Variants in ZNF845 observed in about 807,000 individuals in gnomAD.
ZNF845 encodes zinc finger protein 845.
In ZNF845, 59 loss-of-function variants were observed where a neutral mutation model predicts 76.1. That is an observed-to-expected ratio of 0.78 (90% CI 0.63 to 0.96). ZNF845 has a LOEUF of 0.96. ZNF845 is among the 40% of genes least tolerant of loss of function. The probability of loss-of-function intolerance (pLI) is 0.00; values close to 1 mark genes in which losing one functional copy is unlikely to be tolerated. For synonymous variants in ZNF845, 361 were observed against 386.9 expected, an observed-to-expected ratio of 0.93 and a Z score of 0.78; for missense variants, 1,045 against 1,172.8, an observed-to-expected ratio of 0.89 and a Z score of 1.59.
At chr19:53,338,674 T>C (rs1273415434) in intron 1 of ZNF845, among the ~76,000 whole-genome samples, 1 of 149,326 alleles carries the variant, frequency 6.7e-6, no homozygotes, top group Non-Finnish European at 1.5e-5. Flanking sequence ...TGGCTTTTCC[T>C]TGCCTGTCAC....
chr19:53,351,220 G>A lies in ZNF845; in HGVS notation c.545G>A (p.Cys182Tyr). Residue 182 changes from cysteine to tyrosine, a missense_variant, in exon 4 of 4, where the codon TGT (cysteine) becomes TAT (tyrosine). Transcript: ENST00000458035. ...SLVSTSQRIS[C>Y]RPKTHISKNY... ...GTTTCAACATCCCAAAGAATTTCTT[G>A]TAGGCCTAAAACCCACATTTCTAAG... 6.2e-7 allele frequency: 1 copy of A among 1,614,216 alleles called. No individual in the cohort carries two copies. Among genetic ancestry groups the A allele is most frequent in the African/African-American group, 1.3e-5 (1 of 75,056 alleles).
intron 1 of ZNF845, among the ~76,000 whole-genome samples, chr19:53,336,258 C>G (rs941737859): frequency 2.6e-5 from 4 of 150,980 alleles, no homozygotes; most frequent in Admixed American, 2.0e-4. Context: ...TGGCTCATGC[C>G]TGTAATCCCA....
chr19:53,343,893 T>C (rs922158596), intron 2 of ZNF845, among the ~76,000 whole-genome samples: 2 of 152,028 alleles, frequency 1.3e-5, no homozygotes, highest in African/African-American at 4.8e-5. Context: ...CGATCTTAGC[T>C]CACTGCAACC....
intron 1 of ZNF845, among the ~76,000 whole-genome samples, chr19:53,337,361 C>T (rs1282942920): frequency 6.6e-6 from 1 of 151,934 alleles, no homozygotes; most frequent in Admixed American, 6.6e-5. Context: ...GCATCAGTCA[C>T]ATCAGAAACA....
rs185008514 is a variant in ZNF845, at chr19:53,345,299, G to A, written c.16-207G>A. The stretch of plus-strand genomic sequence containing the variant: ...CCACTGCACTCCGGCCTGGGTGACA[G>A]AGCGAGACTCCGTCTCAAAAAGAAA... On this transcript the variant is annotated intron_variant, in intron 2 of 3. Transcript: ENST00000458035. Among the ~76,000 whole-genome samples, 424 of 151,594 alleles carry A rather than the reference G, an allele frequency of 2.8e-3. 2 individuals are homozygous for A. The highest frequency in any genetic ancestry group is 5.3e-3 in the Non-Finnish European group (359 of 67,972).
intron 1 of ZNF845, among the ~76,000 whole-genome samples, chr19:53,334,730 C>CA (rs559328268): frequency 7.6e-6 from 1 of 132,322 alleles, no homozygotes; most frequent in South Asian, 2.5e-4. Context: ...GTGAGACCCC[C>CA]CCCCCCATCT....
At position 53,353,221 on chromosome 19, in the gene ZNF845, A is replaced by G; in HGVS notation, c.2546A>G (p.His849Arg). The change falls in exon 4 of 4, where the codon CAT (histidine) becomes CGT (arginine). Residue 849 changes from histidine (H) to arginine (R), a missense_variant. Coordinates refer to ENST00000458035, the MANE Select transcript of ZNF845 (RefSeq NM_138374.3). ...CGTCACAATTCAGCCCTTGAAATTC[A>G]TAAGGCAATTCATACTGGAGAAAAA... ...TFRHNSALEI[H>R]KAIHTGEKPY... The G allele has an allele frequency of 1.2e-6, 2 of 1,614,036 alleles. No individual in the cohort carries two copies. The highest frequency in any genetic ancestry group is 1.7e-6 in the Non-Finnish European group (2 of 1,179,896).
chr19:53,352,144 C>T lies in ZNF845; in HGVS notation c.1469C>T (p.Thr490Ile). Residue 490 changes from threonine (T) to isoleucine (I), a missense_variant, in exon 4 of 4, where the codon ACT becomes ATT. Physicochemically the swap from Thr to Ile is moderately conservative, Grantham distance 89. Coordinates refer to ENST00000458035, the MANE Select transcript of ZNF845 (RefSeq NM_138374.3). ...CTTGTATACCATCGTAGACTTCATA[C>T]TGGAGAGAAACCTTACAAATGTGAA... is the stretch of plus-strand genomic sequence containing the variant. ...SSLVYHRRLH[T>I]GEKPYKCEEC... 6.2e-7 allele frequency: 1 copy of T among 1,614,044 alleles called. No individual in the cohort carries two copies. The highest frequency in any genetic ancestry group is 1.1e-5 in the South Asian group (1 of 91,072).
chr19:53,344,595 T>TTTTATTTTA (rs1222813388), intron 2 of ZNF845, among the ~76,000 whole-genome samples: 80 of 131,436 alleles, frequency 6.1e-4, no homozygotes, highest in Admixed American at 7.6e-4. Context: ...TTGATTTTTA[T>TTTTATTTTA]TTTATTTTAT....
chr19:53,352,332 T>G lies in ZNF845; in HGVS notation c.1657T>G (p.Cys553Gly). The G allele has an allele frequency of 6.2e-7, 1 of 1,613,868 alleles. No individual in the cohort carries two copies. Among genetic ancestry groups the G allele is most frequent in the Non-Finnish European group, 8.5e-7 (1 of 1,179,904 alleles). Residue 553 changes from cysteine to glycine, a missense_variant, in exon 4 of 4, where the codon TGT (cysteine) becomes GGT (glycine). Cys to Gly is a radical substitution (Grantham distance 159). Transcript: ENST00000458035. ...RLHTGEKPYQ[C>G]NECGKAFRGQ... is the part of the protein sequence containing the mutation. ...TCATACTGGAGAGAAACCTTACCAG[T>G]GTAATGAGTGTGGCAAAGCCTTTCG...
chr19:53,334,365 A>G (rs1065233), intron 1 of ZNF845, among the ~76,000 whole-genome samples: 1,525 of 152,294 alleles, frequency 0.01, 26 homozygotes, highest in African/African-American at 0.032. Context: ...CAAAGGGATC[A>G]GGAGACTGAG....
rs377152881 is a variant in ZNF845, at chr19:53,351,032, G to A, written c.357G>A (p.Leu119=). The A allele has an allele frequency of 1.9e-6, 3 of 1,614,160 alleles. No individual in the cohort carries two copies. The highest frequency in any genetic ancestry group is 2.5e-6 in the Non-Finnish European group (3 of 1,180,028). ...CACCCATGACAGAAATCAAACAGTT[G>A]ACGGGTAGTACAAACCGACATGATC... ...HEAPMTEIKQ[L]TGSTNRHDQR... is the part of the protein sequence containing the mutation. Residue 119 remains leucine, a synonymous_variant, in exon 4 of 4, where the codon TTG becomes TTA. Coordinates refer to ENST00000458035, the MANE Select transcript of ZNF845 (RefSeq NM_138374.3).
chr19:53,348,664 A>G (rs975652469), intron 3 of ZNF845, among the ~76,000 whole-genome samples: 1 of 152,196 alleles, frequency 6.6e-6, no homozygotes, highest in African/African-American at 2.4e-5. Context: ...GCAATTTGTT[A>G]TATACAATGT....
At chr19:53,343,110 C>T (rs920212734) in intron 2 of ZNF845, among the ~76,000 whole-genome samples, 7 of 152,232 alleles carry the variant, frequency 4.6e-5, no homozygotes, top group South Asian at 2.1e-4. Context: ...TGATCCACCG[C>T]GCCCAGCCCC....
intron 3 of ZNF845, chr19:53,346,268 G>A (rs942771990): frequency 6.7e-6 from 2 of 297,276 alleles, no homozygotes; most frequent in Non-Finnish European, 1.4e-5. Flanking sequence ...TTGCTTTTTT[G>A]TGTAGACATG....
chr19:53,340,197 G>A (rs1399945093), intron 1 of ZNF845, among the ~76,000 whole-genome samples: 2 of 152,196 alleles, frequency 1.3e-5, no homozygotes, highest in African/African-American at 2.4e-5. Context: ...GATTACAGGC[G>A]TGTGCTACCA....
At chr19:53,344,644 T>TGTTATG (rs1347350507) in intron 2 of ZNF845, among the ~76,000 whole-genome samples, 31 of 150,914 alleles carry the variant, frequency 2.1e-4, no homozygotes, top group Admixed American at 5.4e-4. Context: ...TTTTATTTTA[T>TGTTATG]TTTGGGATGG....
chr19:53,342,551 C>T (rs1172122630), intron 2 of ZNF845, among the ~76,000 whole-genome samples: 1 of 152,208 alleles, frequency 6.6e-6, no homozygotes, highest in Non-Finnish European at 1.5e-5. Context: ...TCACGTCCTC[C>T]ACCCTCCTTC....
At position 53,351,496 on chromosome 19, in the gene ZNF845, A is replaced by G. The variant is rs1236809518; in HGVS notation, c.821A>G (p.Asn274Ser). 12 of 1,614,114 alleles carry G rather than the reference A, an allele frequency of 7.4e-6. No homozygotes were observed. The Admixed American group carries it at 2.0e-4, about 27-fold the overall frequency. The part of the protein sequence containing the change: ...CHTGKKPYKC[N>S]DCGKTFSQEL... ...ACTGGCAAGAAACCTTACAAGTGTA[A>G]TGATTGTGGCAAGACCTTCAGTCAG... Residue 274 changes from asparagine (N) to serine (S), a missense_variant, in exon 4 of 4, where the codon AAT becomes AGT. Transcript: ENST00000458035.
Sources: gnomAD v4.1 joint callset for allele counts (sites outside exome capture counted in the v4.1 genomes callset) on GRCh38, gnomAD v4.1.1 for gene constraint, MANE v1.5 for transcripts, NCBI Gene and HGNC (gene_info 2026-07-23, HGNC 2026-07-21) for gene names.